Variants in STAP2 observed in about 807,000 individuals in gnomAD.
STAP2 encodes the protein signal transducing adaptor family member 2.
STAP2 carries 58 observed loss-of-function variants against 52.7 expected under a neutral mutation model. That is an observed-to-expected ratio of 1.10 (90% CI 0.89 to 1.37). The LOEUF (loss-of-function observed/expected upper bound fraction) is 1.37. Ranked by LOEUF, STAP2 falls within the 40% of genes most tolerant of loss-of-function variation. STAP2 has a pLI of 0.00. For synonymous variants in STAP2, 231 were observed against 210.5 expected, an observed-to-expected ratio of 1.10 and a Z score of -0.84; for missense variants, 522 against 519.4, an observed-to-expected ratio of 1.00 and a Z score of -0.05.
chr19:4,329,106 T>G, intron 5 of STAP2: 1 of 370,084 alleles, frequency 2.7e-6, no homozygotes, highest in Non-Finnish European at 4.9e-6. Flanking sequence ...GTTCAAGCGA[T>G]TCCCCTTCCT....
Position 4,328,800 on chromosome 19 carries a change from C to A in STAP2, c.465G>T (p.Leu155=), listed in dbSNP as rs896875582. The A allele has an allele frequency of 5.0e-6, 8 of 1,611,428 alleles. No individual in the cohort carries two copies. Among genetic ancestry groups the A allele is most frequent in the Non-Finnish European group, 6.8e-6 (8 of 1,179,230 alleles). ...RRALETPSCF[L]KVSRLEAQLL... ...GTTGTGCCTCCAGCCGGCTCACCTTCAGGAAGCACCTGTGGCGGGCCGCGT... is the reference window on the plus strand; with the variant it reads ...GTTGTGCCTCCAGCCGGCTCACCTTAAGGAAGCACCTGTGGCGGGCCGCGT... The change falls in exon 6 of 13, where the codon CTG becomes CTT. Residue 155 remains leucine, a synonymous_variant. Coordinates refer to ENST00000594605, the MANE Select transcript of STAP2 (RefSeq NM_001013841.2).
intron 9 of STAP2, 66 bp from the exon 10 acceptor site, chr19:4,325,611 G>T: frequency 1.3e-6 from 2 of 1,509,894 alleles, no homozygotes; most frequent in South Asian, 2.6e-5. Flanking sequence ...GGTTGGCGGG[G>T]GGGTCTGTGT....
At chr19:4,328,924 C>T (rs555163088) in intron 5 of STAP2, 115 bp from the exon 6 acceptor site, 2 of 1,415,206 alleles carry the variant, frequency 1.4e-6, no homozygotes, top group East Asian at 2.5e-5. Flanking sequence ...GCCCAGGAGA[C>T]CCTGCCCTGC....
At chr19:4,336,381 C>T (rs533986863) in intron 1 of STAP2, among the ~76,000 whole-genome samples, 108 of 139,316 alleles carry the variant, frequency 7.8e-4, no homozygotes, top group Middle Eastern at 4.3e-3. Context: ...TGCGGTGGCA[C>T]CATCTCAGCT....
chr19:4,338,340 A>T, intron 1 of STAP2: 1 of 191,778 alleles, frequency 5.2e-6, no homozygotes, highest in Non-Finnish European at 1.1e-5. Context: ...GTTTGTATTC[A>T]AGAGAGTGAA....
At chr19:4,328,191 A>G in intron 6 of STAP2, 1 of 219,224 alleles carries the variant, frequency 4.6e-6, no homozygotes, top group Non-Finnish European at 9.2e-6. Flanking sequence ...TACCTGGGGC[A>G]AGGCCAGCCT....
intron 1 of STAP2, chr19:4,338,119 A>AGC (rs1972007854): frequency 8.2e-6 from 1 of 122,546 alleles, no homozygotes. Flanking sequence ...GGGAGACATA[A>AGC]GCACACACAC....
intron 4 of STAP2, among the ~76,000 whole-genome samples, chr19:4,331,479 A>C (rs986897763): frequency 3.3e-5 from 5 of 151,924 alleles, no homozygotes; most frequent in African/African-American, 1.2e-4. Flanking sequence ...AAAATACAAA[A>C]ATTAGCCAGG....
chr19:4,333,873 G>T, intron 2 of STAP2, 57 bp from the exon 3 acceptor site: 1 of 1,612,912 alleles, frequency 6.2e-7, no homozygotes, highest in Non-Finnish European at 8.5e-7. Flanking sequence ...CAGGCCCCCT[G>T]GATGATGTAG....
At chr19:4,335,170 TCATC>T (rs1320928649) in intron 1 of STAP2, among the ~76,000 whole-genome samples, 2 of 137,284 alleles carry the variant, frequency 1.5e-5, no homozygotes, top group African/African-American at 2.8e-5. Flanking sequence ...ATCCACCTAC[TCATC>T]CATCCATCCC....
intron 4 of STAP2, among the ~76,000 whole-genome samples, chr19:4,331,499 G>A (rs1971889138): frequency 6.6e-6 from 1 of 151,216 alleles, no homozygotes; most frequent in Non-Finnish European, 1.5e-5. Flanking sequence ...GCGTGGTGGC[G>A]GACGCCTGTA....
Position 4,324,199 on chromosome 19 carries a change from T to G in STAP2, c.1148-2A>C. On this transcript the variant is annotated splice_acceptor_variant, in intron 12 of 12. Coordinates refer to ENST00000594605, the MANE Select transcript of STAP2 (RefSeq NM_001013841.2). LOFTEE classifies it high-confidence loss of function. ...GCTCTGCCGTCATGTCTGCCAGCCCTGGGGGTTCAGGACCAGGAGCTGCAG... is the reference window on the plus strand; with the variant it reads ...GCTCTGCCGTCATGTCTGCCAGCCCGGGGGGTTCAGGACCAGGAGCTGCAG... 1.3e-6 allele frequency: 2 copies of G among 1,551,018 alleles called. No individual in the cohort carries two copies. The highest frequency in any genetic ancestry group is 1.7e-6 in the Non-Finnish European group (2 of 1,146,970).
Position 4,325,558 on chromosome 19 carries a change from CGTG to C in STAP2, c.830-16_830-14del, listed in dbSNP as rs754579274. ...CAGGGTGCAGGACCTGATGGGGAAA[CGTG>C]GTCACTGTCAAGACCCATGTCATAC... On this transcript the variant is annotated splice_polypyrimidine_tract_variant and intron_variant, in intron 9 of 12. Transcript: ENST00000594605. 4.1e-5 allele frequency: 64 copies of C among 1,563,400 alleles called. No homozygotes were observed. The highest frequency in any genetic ancestry group is 2.6e-4 in the African/African-American group (19 of 73,734).
At chr19:4,329,836 C>CCCCCCCCCCCCCCCCCCA in intron 5 of STAP2, 125 bp downstream of exon 5, 1 of 401,534 alleles carries the variant, frequency 2.5e-6, no homozygotes, top group Non-Finnish European at 4.7e-6. Context: ...ACCCCCAGCC[C>CCCCCCCCCCCCCCCCCCA]CAAGGCAGTC....
intron 1 of STAP2, among the ~76,000 whole-genome samples, chr19:4,337,235 CTT>C (rs537448777): frequency 6.4e-5 from 9 of 140,178 alleles, no homozygotes; most frequent in Admixed American, 7.1e-5. Flanking sequence ...AAGACCCCAT[CTT>C]TTTTTTTTTT....
At chr19:4,328,615 C>T in intron 6 of STAP2, 60 bp downstream of exon 6, 1 of 1,538,710 alleles carries the variant, frequency 6.5e-7, no homozygotes, top group Non-Finnish European at 8.8e-7. Context: ...GACCACGCCC[C>T]CGCGCCCACC....
rs149240124 is a variant in STAP2, at chr19:4,330,017, G to A, written c.399C>T (p.Tyr133=). ...CTTTGGCCAAGACTTCAGACATCAT[G>A]TATAGGTGCCCAGGAAGCAGGGTCA... ...TDLTLLPGHL[Y]MMSEVLAKEE... The change falls in exon 5 of 13, where the codon TAC becomes TAT. Residue 133 remains tyrosine (Y), a synonymous_variant. Coordinates refer to ENST00000594605, the MANE Select transcript of STAP2 (RefSeq NM_001013841.2). 5.3e-5 allele frequency: 85 copies of A among 1,613,654 alleles called. No homozygotes were observed. The highest frequency in any genetic ancestry group is 6.9e-5 in the Non-Finnish European group (81 of 1,180,008).
intron 1 of STAP2, among the ~76,000 whole-genome samples, chr19:4,336,094 C>A (rs1168460513): frequency 6.6e-6 from 1 of 152,040 alleles, no homozygotes; most frequent in African/African-American, 2.4e-5. Flanking sequence ...CTCACTGCAA[C>A]CTCCACCTCC....
Position 4,338,691 on chromosome 19 carries a change from G to C in STAP2, c.63C>G (p.Tyr21Ter). ...CCTTCTTCTCTAGAAAGCTCTCATA[G>C]TAGTGTGAAGGCAGGACACCCTTAG... ...PKPKGVLPSH[Y>*]YESFLEKKGP... Residue 21 changes from tyrosine to a stop codon, truncating the protein, a stop_gained, in exon 1 of 13, where the codon TAC (tyrosine) becomes TAG (stop). Transcript: ENST00000594605. LOFTEE classifies it high-confidence loss of function. 6.2e-7 allele frequency: 1 copy of C among 1,613,752 alleles called. No homozygotes were observed. The highest frequency in any genetic ancestry group is 1.1e-5 in the South Asian group (1 of 91,008).
Sources: gnomAD v4.1 joint callset for allele counts (sites outside exome capture counted in the v4.1 genomes callset) on GRCh38, gnomAD v4.1.1 for gene constraint, MANE v1.5 for transcripts, NCBI Gene and HGNC (gene_info 2026-07-23, HGNC 2026-07-21) for gene names.